Variants in STAU1 observed in about 807,000 individuals in gnomAD.
STAU1 encodes the protein double-stranded RNA-binding protein Staufen homolog 1.
STAU1 carries 13 observed loss-of-function variants against 62.9 expected under a neutral mutation model. The ratio of observed to expected loss-of-function variants is 0.21; its 90% CI spans 0.13 to 0.33. STAU1 has a LOEUF of 0.33. Ranked by LOEUF, STAU1 falls within the 10% of genes least tolerant of loss-of-function variation. The pLI, the probability that STAU1 is intolerant of heterozygous loss-of-function variation, is 1.00. For missense variants in STAU1, 571 were observed against 712.1 expected (o/e 0.80, Z 2.25); for synonymous variants, 269 against 265.1 (o/e 1.01, Z -0.14).
chr20:49,210,412 C>T, the STAU1 span: 1 of 455,792 alleles, frequency 2.2e-6, no homozygotes, highest in African/African-American at 2.0e-5. Flanking sequence ...AAATGTGTTT[C>T]TTAGCTACTT....
intron 9 of STAU1, 35 bp from the exon 10 acceptor site, chr20:49,118,443 G>T: frequency 6.7e-7 from 1 of 1,499,656 alleles, no homozygotes; most frequent in Non-Finnish European, 9.2e-7. Flanking sequence ...AAGGCCATGA[G>T]CATAAATCAG....
chr20:49,163,665 A>G (rs1388248496), intron 3 of STAU1, among the ~76,000 whole-genome samples: 2 of 152,142 alleles, frequency 1.3e-5, no homozygotes, highest in Non-Finnish European at 2.9e-5. Flanking sequence ...ACCTCAGGTG[A>G]TCCACCTGCC....
intron 5 of STAU1, among the ~76,000 whole-genome samples, chr20:49,150,341 T>G (rs901975605): frequency 6.6e-6 from 1 of 152,122 alleles, no homozygotes; most frequent in Middle Eastern, 3.4e-3. Flanking sequence ...CAATAGTCAA[T>G]TTAGGTTATA....
the STAU1 span, among the ~76,000 whole-genome samples, chr20:49,201,813 A>C: frequency 6.6e-6 from 1 of 151,938 alleles, no homozygotes; most frequent in Non-Finnish European, 1.5e-5. Context: ...ACAAAATTAC[A>C]TGTCAGAAAT....
At chr20:49,204,797 C>A in the STAU1 span, among the ~76,000 whole-genome samples, 1 of 150,498 alleles carries the variant, frequency 6.6e-6, no homozygotes, top group African/African-American at 2.4e-5. Context: ...TACAGGCACC[C>A]GCCACCATGC....
chr20:49,133,649 G>A (rs1157805426), intron 6 of STAU1, among the ~76,000 whole-genome samples: 1 of 152,176 alleles, frequency 6.6e-6, no homozygotes, highest in Non-Finnish European at 1.5e-5. Flanking sequence ...GAAAGGCCAG[G>A]GAGGGAATGT....
intron 6 of STAU1, among the ~76,000 whole-genome samples, chr20:49,126,576 A>AAAAAAAAAAAAC (rs2092620415): frequency 9.6e-6 from 1 of 104,338 alleles, no homozygotes; most frequent in South Asian, 2.9e-4. Context: ...TCAAAAAGCA[A>AAAAAAAAAAAAC]AAAAAAAAAA....
chr20:49,167,741 C>T (rs568808919), intron 2 of STAU1, among the ~76,000 whole-genome samples: 2 of 152,172 alleles, frequency 1.3e-5, no homozygotes, highest in South Asian at 4.1e-4. Context: ...CTTTTTTCCT[C>T]CTCTCTTCCC....
At chr20:49,181,763 CAACAAAAAAAAAAAAAAAAAAA>C (rs1281968219) in intron 1 of STAU1, among the ~76,000 whole-genome samples, 2 of 66,702 alleles carry the variant, frequency 3.0e-5, no homozygotes, top group African/African-American at 1.2e-4. Context: ...AAGACTATCT[CAACAAAAAAAAAAAAAAAAAAA>C]AAAAAAAAAA....
chr20:49,189,408 G>A (rs1370462207), upstream of STAU1, among the ~76,000 whole-genome samples: 1 of 151,314 alleles, frequency 6.6e-6, no homozygotes, highest in African/African-American at 2.4e-5. Flanking sequence ...GCCGAGGTGG[G>A]CGGATCACCT....
intron 6 of STAU1, chr20:49,134,575 C>A (rs947004969): frequency 3.1e-6 from 4 of 1,299,068 alleles, no homozygotes; most frequent in African/African-American, 2.9e-5. Context: ...AAGGACCTGC[C>A]CCCAGAGAGA....
chr20:49,142,777 G>T (rs530788871), intron 5 of STAU1, among the ~76,000 whole-genome samples: 1 of 152,102 alleles, frequency 6.6e-6, no homozygotes, highest in African/African-American at 2.4e-5. Context: ...AAACATATTT[G>T]AAAATGAAAT....
intron 3 of STAU1, among the ~76,000 whole-genome samples, chr20:49,155,817 G>A (rs376051135): frequency 6.6e-6 from 1 of 152,178 alleles, no homozygotes; most frequent in South Asian, 2.1e-4. Flanking sequence ...CTGCAATAGA[G>A]AATAAACATG....
At chr20:49,204,647 T>TATATATATGTGTGTATATATATATATA in the STAU1 span, among the ~76,000 whole-genome samples, 1 of 22,276 alleles carries the variant, frequency 4.5e-5, no homozygotes, top group African/African-American at 1.9e-4. Context: ...TATATATATA[T>TATATATATGTGTGTATATATATATATA]TTTTTTTTTT....
chr20:49,149,266 A>ACACC (rs1170405666), intron 5 of STAU1, among the ~76,000 whole-genome samples: 1 of 150,230 alleles, frequency 6.7e-6, no homozygotes, highest in Non-Finnish European at 1.5e-5. Flanking sequence ...ACACACACAC[A>ACACC]CACACACACA....
intron 8 of STAU1, 99 bp from the exon 9 acceptor site, chr20:49,120,227 A>G: frequency 7.1e-7 from 1 of 1,416,148 alleles, no homozygotes; most frequent in Non-Finnish European, 9.5e-7. Context: ...TATGGTCAGA[A>G]GCAAGATAAC....
Position 49,123,128 on chromosome 20 carries a change from C to T in STAU1, c.930G>A (p.Glu310=). The T allele has an allele frequency of 3.7e-6, 6 of 1,613,500 alleles. No homozygotes were observed. Among genetic ancestry groups the T allele is most frequent in the Non-Finnish European group, 4.2e-6 (5 of 1,179,704 alleles). The change falls in exon 8 of 14, where the codon GAG becomes GAA. Residue 310 remains glutamate, a synonymous_variant. Transcript: ENST00000371856. ...ACTCCCTGCGGCGCGGGAGGCCTCG[C>T]TCTGTGAGGAGCGTGTACTCTGGCT... is the stretch of plus-strand genomic sequence containing the variant. ...EKEPEYTLLT[E]RGLPRRREFV...
chr20:49,153,537 C>G (rs1019137599), intron 4 of STAU1, among the ~76,000 whole-genome samples: 1 of 144,162 alleles, frequency 6.9e-6, no homozygotes, highest in East Asian at 2.0e-4. Flanking sequence ...AAAACCCCGT[C>G]TCTACTAAAA....
At chr20:49,194,715 AT>A in the STAU1 span, among the ~76,000 whole-genome samples, 1 of 152,044 alleles carries the variant, frequency 6.6e-6, no homozygotes, top group Non-Finnish European at 1.5e-5. Context: ...AGTAGCTGGG[AT>A]TACAGGCGCA....
Sources: gnomAD v4.1 joint callset for allele counts (sites outside exome capture counted in the v4.1 genomes callset) on GRCh38, gnomAD v4.1.1 for gene constraint, MANE v1.5 for transcripts, NCBI Gene and HGNC (gene_info 2026-07-23, HGNC 2026-07-21) for gene names.